The following DIO1 variants were observed in gnomAD, a reference collection of about 807,000 sequenced individuals.
DIO1 encodes the protein iodothyronine deiodinase 1.
In DIO1, 17 loss-of-function variants were observed where a neutral mutation model predicts 25.9. That is an observed-to-expected ratio of 0.66 (90% confidence interval 0.45 to 0.98). DIO1 has a LOEUF of 0.98. Ranked by LOEUF, DIO1 falls within the 50% of genes least tolerant of loss-of-function variation. DIO1 has a pLI of 0.00. For synonymous variants in DIO1, 115 were observed against 114.0 expected (o/e 1.01, Z -0.05); for missense variants, 270 against 310.4 (o/e 0.87, Z 0.98).
intron 3 of DIO1, among the ~76,000 whole-genome samples, chr1:53,908,232 A>T (rs963068578): frequency 1.3e-5 from 2 of 152,020 alleles, no homozygotes; most frequent in Admixed American, 6.5e-5. Flanking sequence ...AAAAAAAAAA[A>T]GAAAAAAAGA....
chr1:53,900,287 A>T (rs531128588), intron 1 of DIO1, among the ~76,000 whole-genome samples: 5 of 152,152 alleles, frequency 3.3e-5, no homozygotes, highest in African/African-American at 1.2e-4. Context: ...CTCCTGTTCT[A>T]CACCTCCCAG....
In DIO1 at chr1:53,910,719, T is replaced by G. The variant is rs1651906453; in HGVS notation, c.*720T>G. The G allele has an allele frequency of 6.6e-6, 1 of 152,310 alleles. No homozygotes were observed. Among genetic ancestry groups the G allele is most frequent in the African/African-American group, 2.4e-5 (1 of 41,464 alleles). 9.4% of individuals were successfully genotyped at this position (152,310 alleles called of 1,614,324 possible). On this transcript the variant is annotated 3_prime_UTR_variant, in exon 4 of 4. Coordinates refer to ENST00000361921, the MANE Select transcript of DIO1 (RefSeq NM_000792.7). ...TATTTCATAGAAATCTAGCTCTCTG[T>G]ACCCTGAAATCTTCCACTAGCCTCA...
In DIO1 at chr1:53,906,280, A is replaced by G. The variant is rs773462050; in HGVS notation, c.667A>G (p.Arg223Gly). The change falls in exon 3 of 4, where the codon AGG becomes GGG. Residue 223 changes from arginine to glycine, a missense_variant. Physicochemically the swap from Arg to Gly is moderately radical, Grantham distance 125. Coordinates refer to ENST00000361921, the MANE Select transcript of DIO1 (RefSeq NM_000792.7). ...PERLYIIQEG[R>G]ILYKGKSGPW... ...GAGGCTCTACATAATCCAGGAGGGC[A>G]GGATCCTCTACAAGGTGGTGACCTG... The G allele has an allele frequency of 6.2e-7, 1 of 1,612,726 alleles. No individual in the cohort carries two copies. Among genetic ancestry groups the G allele is most frequent in the Admixed American group, 1.7e-5 (1 of 59,868 alleles).
Position 53,894,975 on chromosome 1 carries a change from A to G in DIO1, c.337+428A>G, listed in dbSNP as rs188188105. 2.6e-4 allele frequency among the ~76,000 whole-genome samples: 40 copies of G among 151,912 alleles called. No individual in the cohort carries two copies. The highest frequency in any genetic ancestry group is 6.8e-3 in the Middle Eastern group (2 of 292). On this transcript the variant is annotated intron_variant, in intron 1 of 3. Transcript: ENST00000361921. This position sits in a 1 kb window ranked among gnomAD's most constrained non-coding sequence, Gnocchi z 4.9. ...AACATCCTAAACTTTTCTTTATTAC[A>G]CCTGTCGCGGTTTGTAATTATGTAC...
intron 1 of DIO1, among the ~76,000 whole-genome samples, chr1:53,902,142 G>C (rs1448289159): frequency 1.3e-5 from 2 of 151,720 alleles, no homozygotes; most frequent in African/African-American, 4.9e-5. Flanking sequence ...TGGGGACTCT[G>C]TGTGAGTCTC....
chr1:53,898,510 C>A (rs143517812), intron 1 of DIO1, among the ~76,000 whole-genome samples: 1 of 151,854 alleles, frequency 6.6e-6, no homozygotes, highest in African/African-American at 2.4e-5. Context: ...TTTGGGAGGC[C>A]GAGGCCAGCG....
In DIO1 at chr1:53,909,186, C is replaced by T. The variant is rs567717452; in HGVS notation, c.682-745C>T. Among the ~76,000 whole-genome samples, 145 of 151,600 alleles carry T rather than the reference C, an allele frequency of 9.6e-4. 1 individual carries two copies. The highest frequency in any genetic ancestry group is 3.4e-3 in the Middle Eastern group (1 of 294). On this transcript the variant is annotated intron_variant, in intron 3 of 3. Coordinates refer to ENST00000361921, the MANE Select transcript of DIO1 (RefSeq NM_000792.7). Reference sequence around the variant, plus strand: ...ATCCCGGCACTTTGGGAGGCCAAGGCGGGCAGGTCACTTGAGGCCAGGAGT... The same window carrying T: ...ATCCCGGCACTTTGGGAGGCCAAGGTGGGCAGGTCACTTGAGGCCAGGAGT...
At position 53,900,630 on chromosome 1, in the gene DIO1, T is replaced by A. The variant is rs112578581; in HGVS notation, c.338-4036T>A. On this transcript the variant is annotated intron_variant, in intron 1 of 3. Transcript: ENST00000361921. ...AAAATAAAAAATAAAAAAATTCCAT[T>A]TAATGTGTTAGTATAGGTGTAAGGA... 7.8e-3 allele frequency among the ~76,000 whole-genome samples: 1,182 copies of A among 152,072 alleles called. 8 individuals are homozygous for A. The highest frequency in any genetic ancestry group is 0.027 in the African/African-American group (1,138 of 41,490).
intron 1 of DIO1, among the ~76,000 whole-genome samples, chr1:53,902,153 T>C (rs1651400972): frequency 6.6e-6 from 1 of 151,714 alleles, no homozygotes; most frequent in Admixed American, 6.6e-5. Flanking sequence ...TGTGAGTCTC[T>C]TTGGCTAGAA....
intron 1 of DIO1, among the ~76,000 whole-genome samples, chr1:53,902,238 G>C (rs1651404978): frequency 6.6e-6 from 1 of 151,630 alleles, no homozygotes; most frequent in Non-Finnish European, 1.5e-5. Flanking sequence ...CTCCTCAAAG[G>C]CCTTCCCTGC....
At chr1:53,908,462 G>A (rs1264631092) in intron 3 of DIO1, among the ~76,000 whole-genome samples, 2 of 152,148 alleles carry the variant, frequency 1.3e-5, no homozygotes, top group Non-Finnish European at 2.9e-5. Flanking sequence ...AGCTGCAGAC[G>A]ACATGCAAAT....
intron 1 of DIO1, among the ~76,000 whole-genome samples, chr1:53,897,691 A>C (rs1651150641): frequency 1.3e-5 from 2 of 151,934 alleles, no homozygotes; most frequent in South Asian, 4.2e-4. Flanking sequence ...GTCTCTACAA[A>C]ATATTTAAAA....
chr1:53,903,991 A>G (rs533624964), intron 1 of DIO1, among the ~76,000 whole-genome samples: 1 of 152,222 alleles, frequency 6.6e-6, no homozygotes, highest in Admixed American at 6.5e-5. Flanking sequence ...CTCTTTGTGG[A>G]GCTGCCTTCG....
intron 3 of DIO1, among the ~76,000 whole-genome samples, chr1:53,906,800 G>C (rs1651679916): frequency 6.6e-6 from 1 of 152,026 alleles, no homozygotes; most frequent in Admixed American, 6.6e-5. Context: ...GGGACTACAG[G>C]CGCACACCAC....
chr1:53,900,406 C>G (rs936748940), intron 1 of DIO1, among the ~76,000 whole-genome samples: 1 of 152,138 alleles, frequency 6.6e-6, no homozygotes, highest in South Asian at 2.1e-4. Context: ...GAGTTCAAGA[C>G]CATCCTGGCC....
At chr1:53,900,508 G>C (rs1186965385) in intron 1 of DIO1, among the ~76,000 whole-genome samples, 1 of 152,186 alleles carries the variant, frequency 6.6e-6, no homozygotes, top group Admixed American at 6.6e-5. Flanking sequence ...GGAGGCTGAG[G>C]CAGGAGAATT....
chr1:53,905,107 C>G (rs1651583317), intron 2 of DIO1, among the ~76,000 whole-genome samples: 1 of 151,362 alleles, frequency 6.6e-6, no homozygotes, highest in Non-Finnish European at 1.5e-5. Flanking sequence ...CTGATTTGAA[C>G]ACATTTACAA....
At chr1:53,906,381 C>A in intron 3 of DIO1, 87 bp downstream of exon 3, 1 of 1,228,180 alleles carries the variant, frequency 8.1e-7, no homozygotes, top group Non-Finnish European at 1.1e-6. Context: ...TCAAGCAGAA[C>A]TGGATTCAAA....
chr1:53,906,815 A>G (rs1437641183), intron 3 of DIO1, among the ~76,000 whole-genome samples: 1 of 152,076 alleles, frequency 6.6e-6, no homozygotes, highest in African/African-American at 2.4e-5. Context: ...CACCACGCCC[A>G]GCTAATTTTT....
Sources: allele counts gnomAD v4.1 joint callset (sites outside exome capture counted in the v4.1 genomes callset), GRCh38; gene constraint gnomAD v4.1.1; non-coding constraint Gnocchi (gnomAD v3.1); transcripts MANE v1.5; gene names NCBI Gene and HGNC (gene_info 2026-07-23, HGNC 2026-07-21).